The following DNAH11 variants were observed in gnomAD, a reference collection of about 807,000 sequenced individuals.
DNAH11 encodes axonemal beta dynein heavy chain 11.
Under a neutral mutation model 526.0 loss-of-function variants are expected in DNAH11, and 442 were observed. That is an observed-to-expected ratio of 0.84 (90% confidence interval 0.78 to 0.91). DNAH11 has a LOEUF of 0.91. Among genes scored for constraint, DNAH11 ranks in the 40% least tolerant of loss-of-function variants. DNAH11 has a pLI of 0.00. For synonymous variants in DNAH11, 2,461 were observed against 1,935.9 expected (o/e 1.27, Z -7.12); for missense variants, 6,989 against 5,448.7 (o/e 1.28, Z -8.90).
intron 37 of DNAH11, among the ~76,000 whole-genome samples, chr7:21,703,238 A>G (rs973578907): frequency 1.3e-5 from 2 of 152,156 alleles, no homozygotes; most frequent in African/African-American, 4.8e-5. Context: ...GGTGCCTGAC[A>G]CCAATGAAAT....
chr7:21,669,912 C>T (rs1400940652), intron 30 of DNAH11, among the ~76,000 whole-genome samples: 2 of 152,068 alleles, frequency 1.3e-5, no homozygotes, highest in African/African-American at 4.8e-5. Flanking sequence ...CATGCCAAAT[C>T]CATCTTTCTT....
intron 25 of DNAH11, among the ~76,000 whole-genome samples, chr7:21,634,755 T>C (rs6978621): frequency 0.24 from 35,742 of 151,464 alleles, 5,741 homozygotes; most frequent in African/African-American, 0.43. Context: ...CACACCAAAC[T>C]CCCATAACAT....
intron 62 of DNAH11, among the ~76,000 whole-genome samples, chr7:21,801,723 A>T (rs989009960): frequency 6.6e-6 from 1 of 152,190 alleles, no homozygotes; most frequent in African/African-American, 2.4e-5. Context: ...ATAATTATGA[A>T]ATTGAACTGT....
intron 30 of DNAH11, among the ~76,000 whole-genome samples, chr7:21,664,865 C>A (rs948235927): frequency 6.6e-6 from 1 of 152,198 alleles, no homozygotes; most frequent in African/African-American, 2.4e-5. Context: ...ACATCTCAGT[C>A]CCAACTTTCT....
chr7:21,613,383 A>G (rs2128451595), intron 20 of DNAH11, among the ~76,000 whole-genome samples: 1 of 152,370 alleles, frequency 6.6e-6, no homozygotes, highest in South Asian at 2.1e-4. Context: ...AAAGGCATTA[A>G]AAATTATTAG....
intron 36 of DNAH11, among the ~76,000 whole-genome samples, chr7:21,701,069 G>A (rs1784036996): frequency 1.3e-5 from 2 of 152,120 alleles, no homozygotes; most frequent in East Asian, 1.9e-4. Context: ...TAACAAATGT[G>A]CACATTCTGC....
At chr7:21,836,048 G>A (rs1237356474) in intron 65 of DNAH11, among the ~76,000 whole-genome samples, 3 of 151,932 alleles carry the variant, frequency 2.0e-5, no homozygotes, top group East Asian at 1.9e-4. Flanking sequence ...AACCAAGGAG[G>A]TGAAAAATCC....
chr7:21,878,511 G>C lies in DNAH11; in HGVS notation c.12196-2191G>C, dbSNP rs115797466. On this transcript the variant is annotated intron_variant, in intron 74 of 81. Coordinates refer to ENST00000409508, the MANE Select transcript of DNAH11 (RefSeq NM_001277115.2). Reference sequence around the variant, plus strand: ...TTTATACCCTTCAAGGTTAATTCCAGTTATACGGTTTCTCTTTTCTGCCTT... The same window carrying C: ...TTTATACCCTTCAAGGTTAATTCCACTTATACGGTTTCTCTTTTCTGCCTT... 3.9e-5 allele frequency among the ~76,000 whole-genome samples: 6 copies of C among 152,112 alleles called. No individual in the cohort carries two copies. In the East Asian group the frequency reaches 5.8e-4, roughly 15 times the overall value.
rs76431499 is a variant in DNAH11, at chr7:21,795,247, G to A, written c.10027-5890G>A. On this transcript the variant is annotated intron_variant, in intron 61 of 81. Coordinates refer to ENST00000409508, the MANE Select transcript of DNAH11 (RefSeq NM_001277115.2). ...CCACACAAAACCAGTTGGCTGCTAG[G>A]TTTGGTGTGCGGATCCTAGTACCTA... Among the ~76,000 whole-genome samples the A allele has an allele frequency of 9.8e-3, 1,499 of 152,292 alleles. 18 individuals carry two copies. Among genetic ancestry groups the A allele is most frequent in the African/African-American group, 0.034 (1,413 of 41,538 alleles).
rs776544602 is a variant in DNAH11 at position 21,864,630 on chromosome 7, A to G, written c.11469A>G (p.Leu3823=). ...CTCATCTGAGTCCCGTTGACTTCCTAACTTCTCAGTCATGGAGTGCTATCA... is the reference window on the plus strand; with the variant it reads ...CTCATCTGAGTCCCGTTGACTTCCTGACTTCTCAGTCATGGAGTGCTATCA... ...EHTHLSPVDF[L]TSQSWSAIKA... The change falls in exon 70 of 82, where the codon CTA becomes CTG. Residue 3823 remains leucine, a synonymous_variant. Coordinates refer to ENST00000409508, the MANE Select transcript of DNAH11 (RefSeq NM_001277115.2). The G allele has an allele frequency of 1.2e-6, 2 of 1,607,688 alleles. No individual in the cohort carries two copies. Among genetic ancestry groups the G allele is most frequent in the South Asian group, 2.2e-5 (2 of 89,618 alleles).
intron 49 of DNAH11, among the ~76,000 whole-genome samples, chr7:21,744,180 G>A (rs1324665395): frequency 6.6e-6 from 1 of 152,228 alleles, no homozygotes; most frequent in African/African-American, 2.4e-5. Flanking sequence ...GTACTCAGAT[G>A]TGATATTTAG....
rs184466211 is a variant in DNAH11, at chr7:21,670,804, T to C, written c.5329-10742T>C. Among the ~76,000 whole-genome samples the C allele has an allele frequency of 2.4e-3, 368 of 152,200 alleles. 3 individuals are homozygous for C. The highest frequency in any genetic ancestry group is 8.4e-3 in the African/African-American group (349 of 41,536). Reference sequence around the variant, plus strand: ...TGTTATTGTGGTGAATTTTCGAAAGTTACGCCAACTTTGCATTCCTGAATA... The same window carrying C: ...TGTTATTGTGGTGAATTTTCGAAAGCTACGCCAACTTTGCATTCCTGAATA... On this transcript the variant is annotated intron_variant, in intron 30 of 81. Transcript: ENST00000409508.
chr7:21,764,039 G>A (rs1000970607), intron 54 of DNAH11, among the ~76,000 whole-genome samples: 2 of 151,934 alleles, frequency 1.3e-5, no homozygotes, highest in Non-Finnish European at 2.9e-5. Context: ...CTGGAGGGAG[G>A]GGAAATAGAG....
chr7:21,769,448 A>G (rs924040145), intron 55 of DNAH11, among the ~76,000 whole-genome samples: 1 of 151,830 alleles, frequency 6.6e-6, no homozygotes, highest in African/African-American at 2.4e-5. Context: ...TCCTCTTGCT[A>G]TAAAAGAGGT....
intron 15 of DNAH11, 61 bp downstream of exon 15, chr7:21,600,180 C>A: frequency 7.1e-7 from 1 of 1,408,870 alleles, no homozygotes; most frequent in South Asian, 1.6e-5. Flanking sequence ...CAAATTGTGG[C>A]TGAGTATGGT....
At chr7:21,634,617 C>T (rs886122901) in intron 25 of DNAH11, among the ~76,000 whole-genome samples, 4 of 152,020 alleles carry the variant, frequency 2.6e-5, no homozygotes, top group African/African-American at 9.7e-5. Flanking sequence ...ACATTGAGTC[C>T]CCTTGGACAC....
chr7:21,571,706 C>A (rs1196793580), intron 7 of DNAH11, 100 bp from the exon 8 acceptor site: 2 of 800,808 alleles, frequency 2.5e-6, no homozygotes, highest in Non-Finnish European at 3.6e-6. Context: ...CTGTCATTGA[C>A]TCATTGATTT....
chr7:21,682,231 AT>A (rs1431033210), intron 31 of DNAH11, among the ~76,000 whole-genome samples: 1 of 152,170 alleles, frequency 6.6e-6, no homozygotes, highest in Non-Finnish European at 1.5e-5. Flanking sequence ...TCTTTTATAT[AT>A]CTTTAAAAAG....
At chr7:21,544,382 C>T (rs1253953769) in intron 1 of DNAH11, among the ~76,000 whole-genome samples, 2 of 152,062 alleles carry the variant, frequency 1.3e-5, no homozygotes, top group Admixed American at 6.5e-5. Context: ...GGAAGGCTGC[C>T]TTATGGTATT....
Sources: gnomAD v4.1 joint callset for allele counts (sites outside exome capture counted in the v4.1 genomes callset) on GRCh38, gnomAD v4.1.1 for gene constraint, MANE v1.5 for transcripts, NCBI Gene and HGNC (gene_info 2026-07-23, HGNC 2026-07-21) for gene names.